The following TM2D1 variants were observed in gnomAD, a reference collection of about 807,000 sequenced individuals.
TM2D1 encodes the protein TM2 domain containing 1.
In TM2D1, 15 loss-of-function variants were observed where a neutral mutation model predicts 28.4. That is an observed-to-expected ratio of 0.53 (90% confidence interval 0.35 to 0.81). The LOEUF is 0.81. Among genes scored for constraint, TM2D1 ranks in the 40% least tolerant of loss-of-function variants. The pLI is 0.01. For missense variants in TM2D1, 236 were observed against 254.9 expected (o/e 0.93, Z 0.50); for synonymous variants, 93 against 96.2 (o/e 0.97, Z 0.20).
At chr1:61,717,462 T>G (rs1168710603) in intron 2 of TM2D1, among the ~76,000 whole-genome samples, 1 of 152,196 alleles carries the variant, frequency 6.6e-6, no homozygotes, top group Non-Finnish European at 1.5e-5. Context: ...AATTTGCAGT[T>G]TTCTTGCAAA....
In TM2D1 at chr1:61,715,824, C is replaced by T. The variant is rs1328189958; in HGVS notation, c.239-6387G>A. Reference sequence around the variant, plus strand: ...TGTTTATTTTTTTGTTTTTTTGAGACGGAGTCTGGCTCTGTCACCCAGGCT... The same window carrying T: ...TGTTTATTTTTTTGTTTTTTTGAGATGGAGTCTGGCTCTGTCACCCAGGCT... On this transcript the variant is annotated intron_variant, in intron 2 of 6. Transcript: ENST00000606498. Among the ~76,000 whole-genome samples, 10 of 150,574 alleles carry T rather than the reference C, an allele frequency of 6.6e-5. No homozygotes were observed. The East Asian group carries it at 8.1e-4, about 12-fold the overall frequency.
intron 2 of TM2D1, among the ~76,000 whole-genome samples, chr1:61,710,978 A>G (rs943498766): frequency 1.3e-5 from 2 of 152,174 alleles, no homozygotes; most frequent in African/African-American, 4.8e-5. Context: ...AATTTCTAAA[A>G]CAAGGTGGTG....
chr1:61,700,124 C>A, intron 4 of TM2D1: 1 of 1,474,990 alleles, frequency 6.8e-7, no homozygotes, highest in South Asian at 1.4e-5. Context: ...AAATTGAGGT[C>A]ACTAGCTGAG....
chr1:61,682,473 AG>A (rs780998977), intron 6 of TM2D1, among the ~76,000 whole-genome samples: 30 of 152,246 alleles, frequency 2.0e-4, no homozygotes, highest in Admixed American at 7.9e-4. Context: ...CATTATTGGA[AG>A]ATTATTAGAA....
chr1:61,696,913 T>C (rs917671702), intron 4 of TM2D1, among the ~76,000 whole-genome samples: 3 of 151,810 alleles, frequency 2.0e-5, no homozygotes, highest in Non-Finnish European at 2.9e-5. Flanking sequence ...CCATCACACC[T>C]GGCCTAAATT....
intron 5 of TM2D1, among the ~76,000 whole-genome samples, chr1:61,691,935 AT>A (rs59769479): frequency 0.032 from 2,386 of 75,666 alleles, 83 homozygotes; most frequent in African/African-American, 0.062. Context: ...AAAAAAAAAT[AT>A]ATATATATAT....
rs899073978 is a variant in TM2D1, at chr1:61,694,554, C to T, written c.513+143G>A. 3.6e-5 allele frequency: 18 copies of T among 502,206 alleles called. 1 individual carries two copies. Among genetic ancestry groups the T allele is most frequent in the Middle Eastern group, 5.1e-4 (1 of 1,954 alleles). The allele number at this position is 502,206 out of a possible 1,614,324, so 31.1% of individuals were successfully genotyped here. ...GCTAGTTGGAAACATGACCAGGATT[C>T]CTTAGATCTAGTACATGAAGAAAAA... On this transcript the variant is annotated intron_variant, in intron 5 of 6. Coordinates refer to ENST00000606498, the MANE Select transcript of TM2D1 (RefSeq NM_032027.3).
intron 5 of TM2D1, among the ~76,000 whole-genome samples, chr1:61,688,398 C>A (rs1204179542): frequency 6.6e-6 from 1 of 152,120 alleles, no homozygotes; most frequent in Non-Finnish European, 1.5e-5. Context: ...AATAATGATA[C>A]AGGGAGCTAT....
intron 5 of TM2D1, among the ~76,000 whole-genome samples, chr1:61,693,515 G>A (rs1438986726): frequency 6.6e-6 from 1 of 152,152 alleles, no homozygotes; most frequent in Non-Finnish European, 1.5e-5. Context: ...AAGTACCTTA[G>A]CCTCTTCATG....
At chr1:61,712,339 C>G (rs761061202) in intron 2 of TM2D1, among the ~76,000 whole-genome samples, 1 of 152,140 alleles carries the variant, frequency 6.6e-6, no homozygotes, top group Non-Finnish European at 1.5e-5. Context: ...TATATATGCC[C>G]TCACACATTT....
intron 2 of TM2D1, among the ~76,000 whole-genome samples, chr1:61,712,271 T>G (rs112347669): frequency 1.3e-5 from 2 of 152,202 alleles, no homozygotes; most frequent in South Asian, 2.1e-4. Flanking sequence ...TGCTATAGAT[T>G]AGTCATCTTC....
At chr1:61,706,834 A>AAAAGAAAGAAAGAAAGAAAG (rs71050144) in intron 3 of TM2D1, among the ~76,000 whole-genome samples, 14,046 of 146,338 alleles carry the variant, frequency 0.096, 973 homozygotes, top group Admixed American at 0.2. Flanking sequence ...TGTCTTAAAA[A>AAAAGAAAGAAAGAAAGAAAG]AAAGAAAGAA....
chr1:61,689,588 G>A (rs777901603), intron 5 of TM2D1, among the ~76,000 whole-genome samples: 10 of 152,132 alleles, frequency 6.6e-5, no homozygotes, highest in Non-Finnish European at 1.2e-4. Context: ...GCCCACGCTG[G>A]TCTCAAATTC....
At chr1:61,705,898 A>C (rs1160133506) in intron 3 of TM2D1, among the ~76,000 whole-genome samples, 1 of 152,238 alleles carries the variant, frequency 6.6e-6, no homozygotes, top group Non-Finnish European at 1.5e-5. Context: ...AGAATACATT[A>C]TAGAATATTT....
chr1:61,693,076 A>G (rs1430230660), intron 5 of TM2D1, among the ~76,000 whole-genome samples: 1 of 151,930 alleles, frequency 6.6e-6, no homozygotes, highest in Non-Finnish European at 1.5e-5. Flanking sequence ...GTCTCTTCAG[A>G]ATATACAAAA....
In TM2D1 at chr1:61,704,931, G is replaced by A. The variant is rs544529419; in HGVS notation, c.348-3906C>T. Among the ~76,000 whole-genome samples, 123 of 152,110 alleles carry A rather than the reference G, an allele frequency of 8.1e-4. 1 individual carries two copies. Among genetic ancestry groups the A allele is most frequent in the Non-Finnish European group, 1.5e-3 (101 of 67,990 alleles). On this transcript the variant is annotated intron_variant, in intron 3 of 6. Transcript: ENST00000606498. ...ATTAAAAAGAGAGAGAGAAAGAAGG[G>A]AATAGCCAAATGCTGCAGAAAGATT...
intron 2 of TM2D1, among the ~76,000 whole-genome samples, chr1:61,719,096 G>A (rs976817544): frequency 6.6e-6 from 1 of 152,008 alleles, no homozygotes; most frequent in Non-Finnish European, 1.5e-5. Context: ...TGGAGACAGG[G>A]TCTTGCTCTG....
chr1:61,716,478 ATT>A (rs1421341276), intron 2 of TM2D1, among the ~76,000 whole-genome samples: 1 of 144,960 alleles, frequency 6.9e-6, no homozygotes, highest in African/African-American at 2.5e-5. Context: ...ATTATATATA[ATT>A]TTATATACGT....
chr1:61,701,237 T>C (rs1439041725), intron 3 of TM2D1, among the ~76,000 whole-genome samples: 1 of 144,016 alleles, frequency 6.9e-6, no homozygotes, highest in Non-Finnish European at 1.5e-5. Context: ...TACAGGCTGG[T>C]GGTAACAAGC....
Sources: allele counts gnomAD v4.1 joint callset (sites outside exome capture counted in the v4.1 genomes callset), GRCh38; gene constraint gnomAD v4.1.1; transcripts MANE v1.5; gene names NCBI Gene and HGNC (gene_info 2026-07-23, HGNC 2026-07-21).